Variants in EPB41L4B observed in about 807,000 individuals in gnomAD.
EPB41L4B encodes erythrocyte membrane protein band 4.1 like 4B.
EPB41L4B carries 30 observed loss-of-function variants against 112.5 expected under a neutral mutation model. That is an observed-to-expected ratio of 0.27 (90% confidence interval 0.20 to 0.36). EPB41L4B has a LOEUF of 0.36. Among genes scored for constraint, EPB41L4B ranks in the 10% least tolerant of loss-of-function variants. EPB41L4B has a pLI of 1.00. For missense variants in EPB41L4B, 1,024 were observed against 1,133.3 expected, an observed-to-expected ratio of 0.90 and a Z score of 1.38; for synonymous variants, 408 against 439.7, an observed-to-expected ratio of 0.93 and a Z score of 0.90.
intron 1 of EPB41L4B, among the ~76,000 whole-genome samples, chr9:109,310,307 T>C (rs1837370089): frequency 6.7e-6 from 1 of 148,316 alleles, no homozygotes; most frequent in Non-Finnish European, 1.5e-5. Context: ...GCAGAGAACC[T>C]ATAAAGAAAA....
chr9:109,180,489 A>G (rs759036369), intron 24 of EPB41L4B, among the ~76,000 whole-genome samples: 2 of 152,012 alleles, frequency 1.3e-5, no homozygotes, highest in African/African-American at 2.4e-5. Context: ...GCAGAGCCCC[A>G]TGTCTCTGCC....
At chr9:109,290,346 C>T (rs1478983734) in intron 1 of EPB41L4B, among the ~76,000 whole-genome samples, 1 of 152,146 alleles carries the variant, frequency 6.6e-6, no homozygotes, top group Non-Finnish European at 1.5e-5. Context: ...TCCCACTTGT[C>T]CACAGGAATA....
At chr9:109,274,500 G>A (rs998210865) in intron 2 of EPB41L4B, among the ~76,000 whole-genome samples, 11 of 152,194 alleles carry the variant, frequency 7.2e-5, no homozygotes, top group African/African-American at 2.7e-4. Flanking sequence ...ATACACCGTA[G>A]TTCAGGGGAT....
intron 15 of EPB41L4B, among the ~76,000 whole-genome samples, chr9:109,242,825 T>C (rs1296242319): frequency 6.9e-6 from 1 of 145,630 alleles, no homozygotes; most frequent in African/African-American, 2.6e-5. Flanking sequence ...AAAAGGAACA[T>C]TTGCTTTCAC....
At chr9:109,192,237 G>C in intron 22 of EPB41L4B, 41 bp downstream of exon 22, 5 of 1,510,278 alleles carry the variant, frequency 3.3e-6, no homozygotes, top group Non-Finnish European at 4.5e-6. Context: ...ATGTTTCTAT[G>C]GTCTGTGACT....
At chr9:109,317,224 TACA>T (rs1383936743) in intron 1 of EPB41L4B, among the ~76,000 whole-genome samples, 2 of 152,188 alleles carry the variant, frequency 1.3e-5, no homozygotes, top group Non-Finnish European at 2.9e-5. Flanking sequence ...CTTTATTATA[TACA>T]ACAACTGGCC....
At chr9:109,220,859 C>T (rs1267913202) in intron 15 of EPB41L4B, among the ~76,000 whole-genome samples, 16 of 152,138 alleles carry the variant, frequency 1.1e-4, no homozygotes, top group Non-Finnish European at 2.4e-4. Flanking sequence ...TCCCTCCTCG[C>T]CTCTCCAACC....
intron 2 of EPB41L4B, among the ~76,000 whole-genome samples, chr9:109,277,802 A>T (rs35710641): frequency 6.6e-6 from 1 of 152,080 alleles, no homozygotes; most frequent in African/African-American, 2.4e-5. Flanking sequence ...GCAGAAGGAG[A>T]CCGCTGTGGG....
intron 1 of EPB41L4B, among the ~76,000 whole-genome samples, chr9:109,310,286 A>G (rs1388602348): frequency 4.6e-5 from 7 of 152,124 alleles, no homozygotes; most frequent in African/African-American, 1.7e-4. Context: ...TGTTTAGGAA[A>G]ACGTACACAT....
chr9:109,253,445 G>T lies in EPB41L4B; in HGVS notation c.1275C>A (p.Phe425Leu). The part of the protein sequence containing the change: ...KRYPSRRHST[F>L]KASNPVIAAQ... ...AAAGAATGAAAAACACACAACCTTT[G>T]AACGTTGAATGTCTCCGGGATGGAT... Residue 425 changes from phenylalanine to leucine, a missense_variant, in exon 12 of 26, where the codon TTC becomes TTA. Coordinates refer to ENST00000374566, the MANE Select transcript of EPB41L4B (RefSeq NM_019114.5). 1.2e-6 allele frequency: 2 copies of T among 1,606,370 alleles called. No individual in the cohort carries two copies. Among genetic ancestry groups the T allele is most frequent in the South Asian group, 1.1e-5 (1 of 90,524 alleles).
intron 15 of EPB41L4B, among the ~76,000 whole-genome samples, chr9:109,234,566 T>C (rs1834072184): frequency 6.6e-6 from 1 of 152,152 alleles, no homozygotes; most frequent in South Asian, 2.1e-4. Context: ...GTATTATCTA[T>C]CTTAAAAAAG....
intron 1 of EPB41L4B, among the ~76,000 whole-genome samples, chr9:109,297,819 TAAG>T (rs1370614604): frequency 6.6e-6 from 1 of 152,236 alleles, no homozygotes; most frequent in Non-Finnish European, 1.5e-5. Context: ...ATTCTGTACA[TAAG>T]AAGCAGAACT....
chr9:109,199,034 T>C (rs1308841424), intron 20 of EPB41L4B, among the ~76,000 whole-genome samples: 1 of 152,182 alleles, frequency 6.6e-6, no homozygotes, highest in East Asian at 1.9e-4. Context: ...TTATAATTAT[T>C]TGTGACTCTT....
At chr9:109,255,480 C>T (rs765129722) in intron 11 of EPB41L4B, 31 bp downstream of exon 11, 24 of 1,607,632 alleles carry the variant, frequency 1.5e-5, no homozygotes, top group East Asian at 4.5e-5. Context: ...CTTCAGAAGA[C>T]GTGATCCGTG....
At chr9:109,259,888 C>G (rs1314556138) in intron 6 of EPB41L4B, among the ~76,000 whole-genome samples, 1 of 152,062 alleles carries the variant, frequency 6.6e-6, no homozygotes, top group African/African-American at 2.4e-5. Context: ...GAAACACAAC[C>G]CTTCATTTTA....
At chr9:109,239,128 T>C (rs555996556) in intron 15 of EPB41L4B, among the ~76,000 whole-genome samples, 1 of 152,248 alleles carries the variant, frequency 6.6e-6, no homozygotes, top group African/African-American at 2.4e-5. Context: ...GAAGGGCACC[T>C]CTGAGCCAGA....
At chr9:109,279,017 C>T (rs908780420) in intron 2 of EPB41L4B, among the ~76,000 whole-genome samples, 3 of 152,094 alleles carry the variant, frequency 2.0e-5, no homozygotes, top group South Asian at 2.1e-4. Flanking sequence ...AGATGGTTCT[C>T]GGCAACAGCA....
intron 18 of EPB41L4B, among the ~76,000 whole-genome samples, chr9:109,205,683 T>C (rs1015275843): frequency 1.3e-5 from 2 of 152,216 alleles, no homozygotes; most frequent in African/African-American, 4.8e-5. Context: ...AGCAATTTCA[T>C]CACGCCACAA....
Position 109,320,435 on chromosome 9 carries a change from G to A in EPB41L4B, c.12C>T (p.Phe4=). The A allele has an allele frequency of 1.0e-6, 1 of 991,738 alleles. No individual in the cohort carries two copies. Among genetic ancestry groups the A allele is most frequent in the Non-Finnish European group, 1.2e-6 (1 of 835,868 alleles). 61.4% of individuals were successfully genotyped at this position (991,738 alleles called of 1,614,324 possible). A position where few individuals can be genotyped will look rare whatever the true frequency, so the allele number is the denominator to read the frequency against. The change falls in exon 1 of 26, where the codon TTC becomes TTT. Residue 4 remains phenylalanine (F), a synonymous_variant. Transcript: ENST00000374566. MLR[F]LRRTFGRRSM... is the part of the protein sequence containing the mutation. ...AGCGGCGGCCAAAGGTCCGGCGCAG[G>A]AACCGCAGCATCCTGGCTGGGGGCG...
Sources: allele counts gnomAD v4.1 joint callset (sites outside exome capture counted in the v4.1 genomes callset), GRCh38; gene constraint gnomAD v4.1.1; transcripts MANE v1.5; gene names NCBI Gene and HGNC (gene_info 2026-07-23, HGNC 2026-07-21).